Variants in CERS6 observed in about 807,000 individuals in gnomAD.
CERS6 encodes the protein ceramide synthase 6, also known as LAG1 homolog, ceramide synthase 6.
A neutral mutation model predicts 56.8 loss-of-function variants in CERS6; 26 were observed. That is an observed-to-expected ratio of 0.46 (90% CI 0.34 to 0.63). The LOEUF is 0.63. Among genes scored for constraint, CERS6 ranks in the 30% least tolerant of loss-of-function variants. The pLI, the probability that CERS6 is intolerant of heterozygous loss-of-function variation, is 0.01. For synonymous variants in CERS6, 164 were observed against 173.3 expected (o/e 0.95, Z 0.42); for missense variants, 415 against 467.5 (o/e 0.89, Z 1.04).
intron 9 of CERS6, among the ~76,000 whole-genome samples, chr2:168,768,904 C>CAAAAAA (rs765504573): frequency 4.4e-4 from 26 of 59,164 alleles, no homozygotes; most frequent in Admixed American, 5.5e-4. Context: ...GACTCTGACT[C>CAAAAAA]AAAAAAAAAA....
At chr2:168,609,974 G>GT (rs5836191) in intron 3 of CERS6, among the ~76,000 whole-genome samples, 4,475 of 93,816 alleles carry the variant, frequency 0.048, 396 homozygotes, top group African/African-American at 0.15. Flanking sequence ...AGATGTGACT[G>GT]TTTTTTTTTT....
At chr2:168,692,008 A>G (rs1231014301) in intron 5 of CERS6, among the ~76,000 whole-genome samples, 1 of 152,180 alleles carries the variant, frequency 6.6e-6, no homozygotes, top group Non-Finnish European at 1.5e-5. Context: ...ACCTAGTGTC[A>G]TGGCAGAGGG....
At chr2:168,744,207 G>A (rs529740240) in intron 8 of CERS6, among the ~76,000 whole-genome samples, 92 of 151,640 alleles carry the variant, frequency 6.1e-4, no homozygotes, top group Middle Eastern at 3.4e-3. Flanking sequence ...GGGTTTCACC[G>A]TGTTAGCCAG....
Position 168,537,466 on chromosome 2 carries a change from G to A in CERS6, c.171-10130G>A, listed in dbSNP as rs1238902134. Among the ~76,000 whole-genome samples the A allele has an allele frequency of 4.6e-5, 7 of 152,004 alleles. 1 individual carries two copies. Among genetic ancestry groups the A allele is most frequent in the Admixed American group, 1.3e-4 (2 of 15,278 alleles). ...TTAGGGAGAGTGGCTAATTTCCTCC[G>A]GTACAGCAAGTGTTGTTTTTCAGAT... On this transcript the variant is annotated intron_variant, in intron 1 of 9. Transcript: ENST00000305747.
rs1462178134 is a variant in CERS6, at chr2:168,715,086, C to T, written c.695C>T (p.Thr232Met). 7 of 1,612,530 alleles carry T rather than the reference C, an allele frequency of 4.3e-6. No individual in the cohort carries two copies. The highest frequency in any genetic ancestry group is 1.3e-5 in the African/African-American group (1 of 74,790). Reference protein sequence around the residue: ...SYVNNMARVGTLVLCLHDSAD... With the variant: ...SYVNNMARVGMLVLCLHDSAD... The stretch of plus-strand genomic sequence containing the variant: ...GTCAACAATATGGCCCGAGTAGGAA[C>T]GCTGGTCCTTTGTCTTCATGATTCA... The change falls in exon 7 of 10, where the codon ACG becomes ATG. Residue 232 changes from threonine (T) to methionine (M), a missense_variant. Thr to Met is a moderately conservative substitution (Grantham distance 81, BLOSUM62 -1). Transcript: ENST00000305747.
intron 1 of CERS6, among the ~76,000 whole-genome samples, chr2:168,458,401 G>C (rs1353485740): frequency 6.6e-6 from 1 of 152,210 alleles, no homozygotes; most frequent in African/African-American, 2.4e-5. Context: ...TAAGTTGTTA[G>C]AATGGAGATG....
chr2:168,769,586 A>G lies in CERS6; in HGVS notation c.1079A>G (p.His360Arg). 3.1e-6 allele frequency: 5 copies of G among 1,612,750 alleles called. No individual in the cohort carries two copies. The highest frequency in any genetic ancestry group is 4.2e-6 in the Non-Finnish European group (5 of 1,179,630). The change falls in exon 10 of 10, where the codon CAC becomes CGC. Residue 360 changes from histidine (H) to arginine (R), a missense_variant. His to Arg is a conservative substitution (Grantham distance 29). Coordinates refer to ENST00000305747, the MANE Select transcript of CERS6 (RefSeq NM_203463.3). ...EDSEPPGKNP[H>R]TATTTNGTSG... ...TCAGAACCTCCGGGAAAGAATCCCC[A>G]CACTGCGACAACCACCAATGGGACC...
chr2:168,642,725 T>C (rs1237506729), intron 4 of CERS6, among the ~76,000 whole-genome samples: 2 of 152,230 alleles, frequency 1.3e-5, no homozygotes, highest in African/African-American at 2.4e-5. Context: ...TTGCCCTCTC[T>C]TTCCAGCGTA....
chr2:168,596,624 G>C (rs1449649642), intron 3 of CERS6, among the ~76,000 whole-genome samples: 1 of 138,938 alleles, frequency 7.2e-6, no homozygotes, highest in Admixed American at 7.7e-5. Flanking sequence ...TGCAATCTTG[G>C]CTCACTGTAA....
At chr2:168,516,240 A>G (rs1438107871) in intron 1 of CERS6, among the ~76,000 whole-genome samples, 1 of 152,196 alleles carries the variant, frequency 6.6e-6, no homozygotes, top group Non-Finnish European at 1.5e-5. Context: ...CTCACCCACC[A>G]TGGAATCAAG....
At chr2:168,625,899 G>T (rs557790469) in intron 3 of CERS6, among the ~76,000 whole-genome samples, 1 of 152,150 alleles carries the variant, frequency 6.6e-6, no homozygotes. Flanking sequence ...TCATTCATCA[G>T]GGTAGAGACA....
chr2:168,456,346 C>A lies in CERS6; in HGVS notation c.-103C>A. Reference sequence around the variant, plus strand: ...CGGCGGGCGGGAGCAGCGGCGGCGGCGGCACAGGCTCGGGGCCAGCCGGGC... The same window carrying A: ...CGGCGGGCGGGAGCAGCGGCGGCGGAGGCACAGGCTCGGGGCCAGCCGGGC... On this transcript the variant is annotated 5_prime_UTR_variant, in exon 1 of 10. Transcript: ENST00000305747. This position sits in a 1 kb window ranked among gnomAD's most constrained non-coding sequence, Gnocchi z 4.1. 3.9e-6 allele frequency: 3 copies of A among 765,654 alleles called. No homozygotes were observed. The highest frequency in any genetic ancestry group is 5.2e-6 in the Non-Finnish European group (3 of 575,300). The allele number at this position is 765,654 out of a possible 1,614,324, so 47.4% of individuals were successfully genotyped here.
At chr2:168,569,982 C>G (rs1261853412) in intron 3 of CERS6, among the ~76,000 whole-genome samples, 1 of 152,128 alleles carries the variant, frequency 6.6e-6, no homozygotes, top group Admixed American at 6.5e-5. Flanking sequence ...TTGTTACTCA[C>G]TTTGGGGTAT....
intron 4 of CERS6, among the ~76,000 whole-genome samples, chr2:168,658,761 C>G (rs529834562): frequency 1.3e-5 from 2 of 152,204 alleles, no homozygotes; most frequent in Non-Finnish European, 2.9e-5. Flanking sequence ...TCAAGTAATT[C>G]GCCTAAGTTC....
At chr2:168,520,157 T>C (rs890494949) in intron 1 of CERS6, among the ~76,000 whole-genome samples, 4 of 152,236 alleles carry the variant, frequency 2.6e-5, no homozygotes, top group African/African-American at 9.6e-5. Context: ...ACTGTGGTTT[T>C]TGACTTGCAT....
intron 3 of CERS6, among the ~76,000 whole-genome samples, chr2:168,619,263 A>G (rs1387425814): frequency 6.6e-6 from 1 of 152,220 alleles, no homozygotes; most frequent in Non-Finnish European, 1.5e-5. Flanking sequence ...ATTCCAGAAG[A>G]TAACATTGGA....
At chr2:168,523,871 G>T (rs1264573115) in intron 1 of CERS6, among the ~76,000 whole-genome samples, 1 of 152,146 alleles carries the variant, frequency 6.6e-6, no homozygotes, top group Non-Finnish European at 1.5e-5. Context: ...GGCATATCGG[G>T]AAGTATTTGC....
chr2:168,463,086 T>G (rs1693806195), intron 1 of CERS6, among the ~76,000 whole-genome samples: 1 of 152,226 alleles, frequency 6.6e-6, no homozygotes, highest in Admixed American at 6.5e-5. Flanking sequence ...CCCTGTAAGG[T>G]GGATACTAAT....
At chr2:168,530,102 C>T (rs570959117) in intron 1 of CERS6, among the ~76,000 whole-genome samples, 46 of 152,310 alleles carry the variant, frequency 3.0e-4, no homozygotes, top group African/African-American at 1.0e-3. Flanking sequence ...TGACAGGGAA[C>T]GTGTCTGTAA....
Sources: gnomAD v4.1 joint callset for allele counts (sites outside exome capture counted in the v4.1 genomes callset) on GRCh38, gnomAD v4.1.1 for gene constraint, Gnocchi (gnomAD v3.1) non-coding constraint, MANE v1.5 for transcripts, NCBI Gene and HGNC (gene_info 2026-07-23, HGNC 2026-07-21) for gene names.